Variants in CPVL observed in about 807,000 individuals in gnomAD.
CPVL encodes probable serine carboxypeptidase CPVL.
In CPVL, 51 loss-of-function variants were observed where a neutral mutation model predicts 63.7. The observed-to-expected ratio is 0.80, with a 90% CI of 0.64 to 1.01. The LOEUF (loss-of-function observed/expected upper bound fraction) is 1.01, where lower values mean the gene tolerates loss of function less well. Among genes scored for constraint, CPVL ranks in the 50% least tolerant of loss-of-function variants. The pLI is 0.00. For missense variants in CPVL, 530 were observed against 573.1 expected, an observed-to-expected ratio of 0.92 and a Z score of 0.77; for synonymous variants, 195 against 206.0, an observed-to-expected ratio of 0.95 and a Z score of 0.46.
At chr7:29,101,103 C>T (rs1420544546) in intron 3 of CPVL, among the ~76,000 whole-genome samples, 1 of 152,148 alleles carries the variant, frequency 6.6e-6, no homozygotes, top group African/African-American at 2.4e-5. Context: ...AGAATGCAGC[C>T]TTTAGCCAAC....
chr7:29,049,267 C>T (rs993531619), intron 11 of CPVL, among the ~76,000 whole-genome samples: 1 of 151,876 alleles, frequency 6.6e-6, no homozygotes, highest in Non-Finnish European at 1.5e-5. Flanking sequence ...AATTGATAGA[C>T]CATTAGCAAG....
chr7:29,068,636 G>A (rs952821889), intron 9 of CPVL, among the ~76,000 whole-genome samples: 2 of 151,286 alleles, frequency 1.3e-5, no homozygotes, highest in African/African-American at 4.9e-5. Context: ...TGCCTGCCCC[G>A]TCCTGAACCC....
intron 1 of CPVL, among the ~76,000 whole-genome samples, chr7:29,140,697 G>C (rs925374045): frequency 2.0e-5 from 3 of 152,082 alleles, no homozygotes; most frequent in African/African-American, 7.2e-5. Context: ...TAGTCAACTG[G>C]GGGTAATCTT....
chr7:29,076,527 A>G (rs1184465513), intron 7 of CPVL, among the ~76,000 whole-genome samples: 3 of 152,236 alleles, frequency 2.0e-5, no homozygotes, highest in African/African-American at 7.2e-5. Flanking sequence ...TCAGCCGGAT[A>G]AACATAACAC....
intron 3 of CPVL, among the ~76,000 whole-genome samples, chr7:29,111,550 A>T (rs149890938): frequency 6.6e-6 from 1 of 152,352 alleles, no homozygotes; most frequent in East Asian, 1.9e-4. Flanking sequence ...AGGGGCCAAG[A>T]AAGCCTTCCA....
At chr7:29,003,158 A>T (rs956005808) in intron 12 of CPVL, among the ~76,000 whole-genome samples, 6 of 71,056 alleles carry the variant, frequency 8.4e-5, no homozygotes, top group Admixed American at 6.8e-4. Flanking sequence ...GTATGTGCAC[A>T]CACACACACA....
intron 12 of CPVL, among the ~76,000 whole-genome samples, chr7:29,004,339 G>A (rs1784960967): frequency 6.6e-6 from 1 of 152,120 alleles, no homozygotes; most frequent in African/African-American, 2.4e-5. Context: ...CACCTGAGAG[G>A]TGAAGACCTT....
At chr7:29,094,092 G>A (rs1242811447) in intron 5 of CPVL, among the ~76,000 whole-genome samples, 1 of 152,204 alleles carries the variant, frequency 6.6e-6, no homozygotes, top group Non-Finnish European at 1.5e-5. Flanking sequence ...TATAATCCCA[G>A]CACTTTGGGA....
chr7:29,175,393 CT>C (rs777133527), intron 5 of CPVL, among the ~76,000 whole-genome samples: 161 of 152,166 alleles, frequency 1.1e-3, no homozygotes, highest in Non-Finnish European at 1.9e-3. Flanking sequence ...CAAGGCTGGT[CT>C]CAAACTCCAG....
intron 1 of CPVL, among the ~76,000 whole-genome samples, chr7:29,190,896 A>G (rs1584662355): frequency 6.6e-6 from 1 of 151,960 alleles, no homozygotes; most frequent in African/African-American, 2.4e-5. Flanking sequence ...ATGGTAGACA[A>G]TACAGGGGCT....
chr7:29,124,888 C>A (rs1789833446), intron 1 of CPVL: 1 of 152,002 alleles, frequency 6.6e-6, no homozygotes, highest in South Asian at 2.1e-4. Context: ...CTAGACATGG[C>A]AGAAAAAGTG....
At chr7:29,149,716 C>A (rs886519277), upstream of CPVL, among the ~76,000 whole-genome samples, 1 of 152,026 alleles carries the variant, frequency 6.6e-6, no homozygotes, top group Admixed American at 6.6e-5. Flanking sequence ...GATCCTTCCT[C>A]GCTGCTTCTA....
rs766100419 is a variant in CPVL, at chr7:29,072,376, G to A, written c.657C>T (p.Ser219=). The A allele has an allele frequency of 6.2e-7, 1 of 1,613,944 alleles. No homozygotes were observed. Among genetic ancestry groups the A allele is most frequent in the Non-Finnish European group, 8.5e-7 (1 of 1,179,874 alleles). Residue 219 remains serine, a synonymous_variant, in exon 8 of 13, where the codon TCC becomes TCT. Coordinates refer to ENST00000265394, the MANE Select transcript of CPVL (RefSeq NM_031311.5). Reference sequence around the variant, plus strand: ...TCTTCACCTCTCTCACAGGGTTGAGGGAATGGATGAGGTGTGCAATGGCTG... The same window carrying A: ...TCTTCACCTCTCTCACAGGGTTGAGAGAATGGATGAGGTGTGCAATGGCTG... ...YVPAIAHLIH[S]LNPVREVKIN... is the part of the protein sequence containing the mutation.
chr7:29,182,320 T>G (rs919966180), intron 4 of CPVL, among the ~76,000 whole-genome samples: 2 of 152,212 alleles, frequency 1.3e-5, no homozygotes, highest in African/African-American at 4.8e-5. Context: ...ATTAATCTGA[T>G]AGTGTTCCAC....
intron 6 of CPVL, among the ~76,000 whole-genome samples, chr7:29,091,632 C>T (rs201148191): frequency 1.3e-5 from 2 of 152,194 alleles, no homozygotes; most frequent in African/African-American, 4.8e-5. Context: ...TGGGCATCCC[C>T]CTAGAAACTG....
At chr7:29,103,138 C>A (rs1407543068) in intron 3 of CPVL, among the ~76,000 whole-genome samples, 1 of 128,014 alleles carries the variant, frequency 7.8e-6, no homozygotes, top group Non-Finnish European at 1.5e-5. Context: ...TAACCTTCTG[C>A]TCAGACCATA....
At chr7:29,034,724 G>C (rs1177588010) in intron 11 of CPVL, among the ~76,000 whole-genome samples, 1 of 151,870 alleles carries the variant, frequency 6.6e-6, no homozygotes, top group Non-Finnish European at 1.5e-5. Flanking sequence ...ATTTTTGGTA[G>C]AGACAGGGTA....
exon 1 of CPVL, chr7:29,195,242 G>A (rs898894610): frequency 3.7e-5 from 16 of 432,704 alleles, no homozygotes; most frequent in Non-Finnish European, 5.7e-5. Flanking sequence ...GGTGTTCCGG[G>A]GCTTGGAGTG....
intron 11 of CPVL, among the ~76,000 whole-genome samples, chr7:29,032,319 C>T (rs1406889903): frequency 2.0e-5 from 3 of 152,096 alleles, no homozygotes; most frequent in African/African-American, 4.8e-5. Flanking sequence ...GCCCTGGGCC[C>T]CCACTGCAGG....
Sources: allele counts gnomAD v4.1 joint callset (sites outside exome capture counted in the v4.1 genomes callset), GRCh38; gene constraint gnomAD v4.1.1; transcripts MANE v1.5; gene names NCBI Gene and HGNC (gene_info 2026-07-23, HGNC 2026-07-21).